Variants in TRAK1 observed in about 807,000 individuals in gnomAD.
TRAK1 encodes the protein trafficking kinesin protein 1, also known as trafficking kinesin-binding protein 1.
In TRAK1, 33 loss-of-function variants were observed where a neutral mutation model predicts 92.1. The observed-to-expected ratio is 0.36, with a 90% CI of 0.27 to 0.48. TRAK1 has a LOEUF of 0.48. TRAK1 is among the 20% of genes least tolerant of loss of function. The probability of loss-of-function intolerance (pLI) is 0.99; values close to 1 mark genes in which losing one functional copy is unlikely to be tolerated. For synonymous variants in TRAK1, 521 were observed against 517.3 expected (o/e 1.01, Z -0.10); for missense variants, 1,123 against 1,257.9 (o/e 0.89, Z 1.62).
chr3:42,149,172 T>C, intron 2 of TRAK1: 1 of 1,031,818 alleles, frequency 9.7e-7, no homozygotes, highest in Non-Finnish European at 1.2e-6. Context: ...AGACAGCCAG[T>C]GGTGGTGTGT....
At chr3:42,199,387 G>C in intron 11 of TRAK1, 134 bp downstream of exon 11, 1 of 771,104 alleles carries the variant, frequency 1.3e-6, no homozygotes, top group South Asian at 1.8e-5. Context: ...CCAGATTAAG[G>C]GAAATAATAG....
chr3:42,028,911 A>G (rs1361375186), intron 1 of TRAK1, among the ~76,000 whole-genome samples: 2 of 152,198 alleles, frequency 1.3e-5, no homozygotes, highest in Non-Finnish European at 2.9e-5. Context: ...ATGGCTATAA[A>G]TAAATACCTA....
At chr3:42,077,032 A>T (rs1704193095) in intron 1 of TRAK1, among the ~76,000 whole-genome samples, 1 of 152,170 alleles carries the variant, frequency 6.6e-6, no homozygotes, top group African/African-American at 2.4e-5. Flanking sequence ...CAGTTACTGT[A>T]GCCTTGTAGT....
At chr3:42,075,614 T>C (rs1704121658) in intron 1 of TRAK1, among the ~76,000 whole-genome samples, 1 of 152,192 alleles carries the variant, frequency 6.6e-6, no homozygotes. Context: ...CTACCAGCAG[T>C]GGATAAGCAT....
chr3:42,176,929 T>C (rs765723705), intron 3 of TRAK1, 39 bp downstream of exon 3: 3 of 1,577,318 alleles, frequency 1.9e-6, no homozygotes, highest in Admixed American at 3.3e-5. Flanking sequence ...TTGTTTATAA[T>C]TGACTGGTTT....
At chr3:42,136,235 T>G (rs771371931) in intron 2 of TRAK1, among the ~76,000 whole-genome samples, 4 of 152,194 alleles carry the variant, frequency 2.6e-5, no homozygotes, top group Non-Finnish European at 5.9e-5. Flanking sequence ...GAAGCAGGCA[T>G]GTGTGTTACT....
intron 1 of TRAK1, among the ~76,000 whole-genome samples, chr3:42,064,626 G>C (rs924214792): frequency 2.0e-5 from 3 of 152,126 alleles, no homozygotes; most frequent in Non-Finnish European, 2.9e-5. Flanking sequence ...ACTATAGACT[G>C]TTTCCTAAAA....
At chr3:42,208,312 C>CA (rs1553611496) in intron 13 of TRAK1, among the ~76,000 whole-genome samples, 6 of 151,930 alleles carry the variant, frequency 3.9e-5, no homozygotes, top group Non-Finnish European at 8.8e-5. Flanking sequence ...CAGTGTGCAC[C>CA]TTTTTTTTCC....
chr3:42,030,749 G>T (rs1702110410), intron 1 of TRAK1, among the ~76,000 whole-genome samples: 15 of 130,630 alleles, frequency 1.1e-4, no homozygotes, highest in Admixed American at 1.5e-4. Context: ...TATGTAACTT[G>T]TTGGTCAGGC....
chr3:42,028,830 C>T (rs1702009978), intron 1 of TRAK1, among the ~76,000 whole-genome samples: 1 of 152,118 alleles, frequency 6.6e-6, no homozygotes, highest in Non-Finnish European at 1.5e-5. Flanking sequence ...GAGGAAGCTG[C>T]AGGGGAGTGA....
Position 42,167,673 on chromosome 3 carries a change from G to T in TRAK1, c.287-9141G>T, listed in dbSNP as rs186602845. Among the ~76,000 whole-genome samples the T allele has an allele frequency of 6.2e-3, 949 of 152,300 alleles. 8 individuals carry two copies. Among genetic ancestry groups the T allele is most frequent in the South Asian group, 0.012 (56 of 4,822 alleles). On this transcript the variant is annotated intron_variant, in intron 2 of 15. Coordinates refer to ENST00000327628, the MANE Select transcript of TRAK1 (RefSeq NM_001042646.3). ...AGGCGGGTGGATCACGAGGTCAGGA[G>T]ATCGAGACCATCCTGGCTAACATGA...
At chr3:42,140,333 A>G (rs1451851969) in intron 2 of TRAK1, among the ~76,000 whole-genome samples, 2 of 152,128 alleles carry the variant, frequency 1.3e-5, no homozygotes, top group African/African-American at 4.8e-5. Context: ...GCAACATTTT[A>G]AAAAATAAAG....
intron 1 of TRAK1, among the ~76,000 whole-genome samples, chr3:42,022,330 A>G (rs1160511796): frequency 6.6e-6 from 1 of 152,226 alleles, no homozygotes; most frequent in Non-Finnish European, 1.5e-5. Context: ...AGTGGATAAA[A>G]GGTGTGACAG....
At chr3:42,123,073 T>C (rs531282343) in intron 1 of TRAK1, among the ~76,000 whole-genome samples, 5 of 152,092 alleles carry the variant, frequency 3.3e-5, no homozygotes, top group Non-Finnish European at 7.4e-5. Context: ...CATATTGAAT[T>C]GAGGGAGAGC....
intron 6 of TRAK1, among the ~76,000 whole-genome samples, chr3:42,190,507 C>CA (rs1274439647): frequency 6.6e-6 from 1 of 152,144 alleles, no homozygotes; most frequent in African/African-American, 2.4e-5. Flanking sequence ...CTGGGCAAGG[C>CA]AACAGCCCTG....
intron 1 of TRAK1, among the ~76,000 whole-genome samples, chr3:42,106,413 T>C (rs1707577507): frequency 6.6e-6 from 1 of 151,358 alleles, no homozygotes; most frequent in Non-Finnish European, 1.5e-5. Context: ...CCAAAAAAGA[T>C]CAAAAGAGAC....
chr3:42,209,858 C>T lies in TRAK1; in HGVS notation c.1836C>T (p.Phe612=), dbSNP rs778779087. 3 of 1,614,098 alleles carry T rather than the reference C, an allele frequency of 1.9e-6. No homozygotes were observed. Among genetic ancestry groups the T allele is most frequent in the Non-Finnish European group, 1.7e-6 (2 of 1,180,050 alleles). Reference sequence around the variant, plus strand: ...GGCCCGGTGTGGTCACCAAGGGCTTCCGGACGCTGGATGTTGACCTGGACG... The same window carrying T: ...GGCCCGGTGTGGTCACCAAGGGCTTTCGGACGCTGGATGTTGACCTGGACG... The part of the protein sequence containing the change: ...DPRPGVVTKG[F]RTLDVDLDEV... The change falls in exon 14 of 16, where the codon TTC becomes TTT. Residue 612 remains phenylalanine (F), a synonymous_variant. Transcript: ENST00000327628.
intron 9 of TRAK1, among the ~76,000 whole-genome samples, chr3:42,194,296 G>A (rs1178054440): frequency 6.6e-6 from 1 of 152,110 alleles, no homozygotes; most frequent in Non-Finnish European, 1.5e-5. Context: ...CCAGGCTGGA[G>A]TACAGTGGCA....
chr3:42,102,787 G>C (rs188073168), intron 1 of TRAK1, among the ~76,000 whole-genome samples: 9 of 152,216 alleles, frequency 5.9e-5, no homozygotes, highest in Admixed American at 5.2e-4. Flanking sequence ...TTCACTGCTG[G>C]CATGTTTAGG....
Sources: allele counts gnomAD v4.1 joint callset (sites outside exome capture counted in the v4.1 genomes callset), GRCh38; gene constraint gnomAD v4.1.1; transcripts MANE v1.5; gene names NCBI Gene and HGNC (gene_info 2026-07-23, HGNC 2026-07-21).